PLEKHA8: variants seen among roughly 807,000 people sequenced by gnomAD.
The protein encoded by PLEKHA8 is pleckstrin homology domain containing A8, also known as pleckstrin homology domain-containing family A member 8.
PLEKHA8 carries 36 observed loss-of-function variants against 68.2 expected under a neutral mutation model. That is an observed-to-expected ratio of 0.53 (90% CI 0.40 to 0.70). The LOEUF is 0.70. Ranked by LOEUF, PLEKHA8 falls within the 30% of genes least tolerant of loss-of-function variation. The probability of loss-of-function intolerance (pLI) is 0.00; values close to 1 mark genes in which losing one functional copy is unlikely to be tolerated. For missense variants in PLEKHA8, 505 were observed against 615.4 expected (o/e 0.82, Z 1.90); for synonymous variants, 211 against 216.1 (o/e 0.98, Z 0.20).
At chr7:30,077,872 G>T (rs1794705861) in intron 13 of PLEKHA8, among the ~76,000 whole-genome samples, 1 of 152,108 alleles carries the variant, frequency 6.6e-6, no homozygotes. Context: ...AAGATGCCTA[G>T]GAAATCTGTT....
intron 12 of PLEKHA8, among the ~76,000 whole-genome samples, chr7:30,068,753 ATTCT>A (rs1425823170): frequency 6.6e-6 from 1 of 152,090 alleles, no homozygotes; most frequent in Non-Finnish European, 1.5e-5. Flanking sequence ...CAGACATGTC[ATTCT>A]TTCTTTATGG....
chr7:30,073,990 A>T, intron 12 of PLEKHA8, 81 bp from the exon 13 acceptor site: 5 of 1,082,480 alleles, frequency 4.6e-6, no homozygotes, highest in Non-Finnish European at 5.2e-6. Flanking sequence ...TGTCTCTTTA[A>T]AAAAAAAAAA....
At chr7:30,076,492 A>G (rs1221760348) in intron 13 of PLEKHA8, among the ~76,000 whole-genome samples, 2 of 152,206 alleles carry the variant, frequency 1.3e-5, no homozygotes, top group African/African-American at 4.8e-5. Context: ...CTTAACATGC[A>G]CTAGATGTTG....
At chr7:30,075,359 A>G (rs1794545657) in intron 13 of PLEKHA8, among the ~76,000 whole-genome samples, 1 of 152,170 alleles carries the variant, frequency 6.6e-6, no homozygotes, top group Non-Finnish European at 1.5e-5. Flanking sequence ...CATAATGGCT[A>G]CCATGTAGCT....
chr7:30,050,159 A>C (rs889828205), intron 5 of PLEKHA8, among the ~76,000 whole-genome samples: 2 of 152,208 alleles, frequency 1.3e-5, no homozygotes, highest in Admixed American at 1.3e-4. Context: ...AAAGAAATCT[A>C]ATCACTGAGT....
chr7:30,118,763 G>C (rs1340239486), intron 13 of PLEKHA8, among the ~76,000 whole-genome samples: 1 of 152,018 alleles, frequency 6.6e-6, no homozygotes, highest in African/African-American at 2.4e-5. Flanking sequence ...ATTTTTAGTA[G>C]AGACGGGGTT....
At chr7:30,115,330 A>G (rs1355927907) in intron 13 of PLEKHA8, among the ~76,000 whole-genome samples, 5 of 152,178 alleles carry the variant, frequency 3.3e-5, no homozygotes, top group African/African-American at 7.2e-5. Context: ...GGGGACATCC[A>G]TAGAAGTGTT....
intron 13 of PLEKHA8, among the ~76,000 whole-genome samples, chr7:30,097,693 C>T (rs954273589): frequency 3.3e-5 from 5 of 152,162 alleles, no homozygotes; most frequent in Admixed American, 6.5e-5. Flanking sequence ...CCTTTAAGGA[C>T]TTCTCTGCAT....
At chr7:30,056,931 T>G (rs1377263415) in intron 9 of PLEKHA8, among the ~76,000 whole-genome samples, 1 of 147,428 alleles carries the variant, frequency 6.8e-6, no homozygotes, top group Admixed American at 6.8e-5. Flanking sequence ...ATATATTATA[T>G]ATAATATATA....
intron 13 of PLEKHA8, among the ~76,000 whole-genome samples, chr7:30,122,929 T>G (rs971071879): frequency 2.6e-5 from 4 of 152,070 alleles, no homozygotes; most frequent in Admixed American, 2.0e-4. Context: ...TTCCTGGTAG[T>G]TTTCTAGTTC....
chr7:30,117,199 C>T (rs1343556773), intron 13 of PLEKHA8, among the ~76,000 whole-genome samples: 1 of 152,052 alleles, frequency 6.6e-6, no homozygotes, highest in Non-Finnish European at 1.5e-5. Context: ...ATTGAGAAAT[C>T]GATTCAAACT....
rs531006104 is a variant in PLEKHA8 at position 30,035,731 on chromosome 7, G to A, written c.40+6929G>A. Among the ~76,000 whole-genome samples, 74 of 152,032 alleles carry A rather than the reference G, an allele frequency of 4.9e-4. 1 individual carries two copies. The highest frequency in any genetic ancestry group is 1.1e-3 in the African/African-American group (47 of 41,500). ...ACAATGTCGGCTCACTGCAACCTTC[G>A]CCTCCCGGGTTCAAGCAGTTCTCTA... On this transcript the variant is annotated intron_variant, in intron 1 of 13. Coordinates refer to ENST00000449726, the MANE Select transcript of PLEKHA8 (RefSeq NM_001197026.2).
At chr7:30,056,278 TTCTCTC>T (rs761685260) in intron 9 of PLEKHA8, among the ~76,000 whole-genome samples, 1,012 of 56,388 alleles carry the variant, frequency 0.018, 31 homozygotes, top group East Asian at 0.11. Flanking sequence ...TAAAGATATA[TTCTCTC>T]TCTCTCTCTC....
At chr7:30,059,816 A>G (rs1391006303) in intron 9 of PLEKHA8, among the ~76,000 whole-genome samples, 1 of 151,306 alleles carries the variant, frequency 6.6e-6, no homozygotes, top group Non-Finnish European at 1.5e-5. Context: ...GCATATTAAC[A>G]TAGTAAACAC....
intron 13 of PLEKHA8, among the ~76,000 whole-genome samples, chr7:30,105,379 G>A (rs1365269736): frequency 6.7e-6 from 1 of 150,270 alleles, no homozygotes; most frequent in African/African-American, 2.5e-5. Flanking sequence ...AGGTACTCAG[G>A]AGGCTGAAGT....
intron 1 of PLEKHA8, among the ~76,000 whole-genome samples, chr7:30,036,407 A>AATAG (rs55904639): frequency 0.04 from 5,683 of 143,336 alleles, 110 homozygotes; most frequent in African/African-American, 0.051. Context: ...GATAGGATAG[A>AATAG]ATAGATAGAT....
chr7:30,094,502 CT>C (rs887889673), downstream of PLEKHA8, among the ~76,000 whole-genome samples: 16 of 148,672 alleles, frequency 1.1e-4, no homozygotes, highest in Admixed American at 2.7e-4. Context: ...TCTCGAACTC[CT>C]TTTTTTTTTA....
chr7:30,056,291 T>TCC (rs1792869086), intron 9 of PLEKHA8, among the ~76,000 whole-genome samples: 3 of 80,298 alleles, frequency 3.7e-5, no homozygotes, highest in East Asian at 4.3e-4. Flanking sequence ...TCTCTCTCTC[T>TCC]CTCTCTCTCT....
chr7:30,091,572 T>G (rs573241953), downstream of PLEKHA8, among the ~76,000 whole-genome samples: 1 of 152,274 alleles, frequency 6.6e-6, no homozygotes, highest in East Asian at 1.9e-4. Context: ...TACAACTCAT[T>G]AAGGATTGGG....
Sources: gnomAD v4.1 joint callset for allele counts (sites outside exome capture counted in the v4.1 genomes callset) on GRCh38, gnomAD v4.1.1 for gene constraint, MANE v1.5 for transcripts, NCBI Gene and HGNC (gene_info 2026-07-23, HGNC 2026-07-21) for gene names.